B4GALT4: variants seen among roughly 807,000 people sequenced by gnomAD.
B4GALT4 encodes the protein N-acetyllactosamine synthase.
B4GALT4 carries 27 observed loss-of-function variants against 37.3 expected under a neutral mutation model. The observed-to-expected ratio is 0.72, with a 90% CI of 0.53 to 1.00. The LOEUF is 1.00. Ranked by LOEUF, B4GALT4 falls within the 50% of genes least tolerant of loss-of-function variation. B4GALT4 has a pLI of 0.00. For missense variants in B4GALT4, 372 were observed against 413.1 expected (o/e 0.90, Z 0.86); for synonymous variants, 148 against 154.1 (o/e 0.96, Z 0.29).
intron 1 of B4GALT4, among the ~76,000 whole-genome samples, chr3:119,238,408 T>C (rs1286851271): frequency 2.0e-5 from 3 of 152,178 alleles, no homozygotes; most frequent in Admixed American, 1.3e-4. Flanking sequence ...ATTTCTTTTG[T>C]ATCTTCTAAT....
At chr3:119,234,707 C>T (rs1303722441) in intron 2 of B4GALT4, among the ~76,000 whole-genome samples, 2 of 152,282 alleles carry the variant, frequency 1.3e-5, no homozygotes. Flanking sequence ...AATTGAGAGA[C>T]CCTTAATTCT....
intron 3 of B4GALT4, among the ~76,000 whole-genome samples, chr3:119,228,848 A>ATCTCTCTCTTTCTCTCTCCCTC (rs1553749684): frequency 6.6e-6 from 1 of 151,342 alleles, no homozygotes; most frequent in South Asian, 2.1e-4. Context: ...GAGGCATGAG[A>ATCTCTCTCTTTCTCTCTCCCTC]TCTATCTATC....
intron 7 of B4GALT4, chr3:119,214,743 A>C (rs2078246552): frequency 6.6e-6 from 1 of 152,248 alleles, no homozygotes; most frequent in Non-Finnish European, 1.5e-5. Context: ...ACTTTGTAGA[A>C]AAATCTAATA....
At chr3:119,225,538 A>G (rs1576911866) in intron 4 of B4GALT4, among the ~76,000 whole-genome samples, 1 of 150,886 alleles carries the variant, frequency 6.6e-6, no homozygotes, top group Non-Finnish European at 1.5e-5. Flanking sequence ...CTGGGACTAC[A>G]GGCATGTGCC....
At position 119,226,857 on chromosome 3, in the gene B4GALT4, G is replaced by C. The variant is rs761428077; in HGVS notation, c.438C>G (p.Pro146=). 10 of 1,614,176 alleles carry C rather than the reference G, an allele frequency of 6.2e-6. No homozygotes were observed. Among genetic ancestry groups the C allele is most frequent in the Non-Finnish European group, 8.5e-6 (10 of 1,180,038 alleles). The stretch of plus-strand genomic sequence containing the variant: ...AATCCAGCTGCTGCCTCTGCAGGAA[G>C]GGATGCAGATGTTCCAGCAGGTACA... ...HLMYLLEHLH[P]FLQRQQLDYG... is the part of the protein sequence containing the mutation. The change falls in exon 4 of 8, where the codon CCC becomes CCG. Residue 146 remains proline, a synonymous_variant. Coordinates refer to ENST00000393765, the MANE Select transcript of B4GALT4 (RefSeq NM_003778.4).
chr3:119,224,156 G>T lies in B4GALT4; in HGVS notation c.576C>A (p.Phe192Leu). 6.2e-7 allele frequency: 1 copy of T among 1,614,026 alleles called. No homozygotes were observed. The highest frequency in any genetic ancestry group is 8.5e-7 in the Non-Finnish European group (1 of 1,179,988). Residue 192 changes from phenylalanine to leucine, a missense_variant, in exon 5 of 8, where the codon TTC becomes TTA. Physicochemically the swap from Phe to Leu is conservative, Grantham distance 22. Coordinates refer to ENST00000393765, the MANE Select transcript of B4GALT4 (RefSeq NM_003778.4). ...LKEENWDCFI[F>L]HDVDLVPEND... ...TCTCGGGTACCAGGTCCACATCGTGGAATATAAAGCAGTCCCAATTTTCTT... is the reference window on the plus strand; with the variant it reads ...TCTCGGGTACCAGGTCCACATCGTGTAATATAAAGCAGTCCCAATTTTCTT...
intron 7 of B4GALT4, chr3:119,213,661 A>C (rs755377254): frequency 6.6e-6 from 1 of 152,188 alleles, no homozygotes; most frequent in Non-Finnish European, 1.5e-5. Flanking sequence ...GAAGGAGGAG[A>C]CTACAGAATT....
chr3:119,217,470 C>A (rs2107467754), intron 6 of B4GALT4, among the ~76,000 whole-genome samples: 1 of 152,226 alleles, frequency 6.6e-6, no homozygotes, highest in South Asian at 2.1e-4. Context: ...AGCATGGAGC[C>A]CCTGGGTTCT....
rs74280514 is a variant in B4GALT4 at position 119,228,813 on chromosome 3, A to G, written c.253+1034T>C. Among the ~76,000 whole-genome samples the G allele has an allele frequency of 1.6e-3, 227 of 138,314 alleles. 6 individuals are homozygous for G. In the East Asian group the frequency reaches 0.043, roughly 26 times the overall value. The allele number at this position is 138,314 out of a possible 152,430, so 90.7% of individuals were successfully genotyped here. A position where few individuals can be genotyped will look rare whatever the true frequency, so the allele number is the denominator to read the frequency against. On this transcript the variant is annotated intron_variant, in intron 3 of 7. Coordinates refer to ENST00000393765, the MANE Select transcript of B4GALT4 (RefSeq NM_003778.4). Reference sequence around the variant, plus strand: ...CATAAGGGTGGAGCTGCCAGGTGGGATTAAAGCACTTATAAAAAGAGCAAG... The same window carrying G: ...CATAAGGGTGGAGCTGCCAGGTGGGGTTAAAGCACTTATAAAAAGAGCAAG...
At chr3:119,214,740 A>G (rs897808425) in intron 7 of B4GALT4, 2 of 152,250 alleles carry the variant, frequency 1.3e-5, no homozygotes, top group Non-Finnish European at 2.9e-5. Flanking sequence ...AGTACTTTGT[A>G]GAAAAATCTA....
In B4GALT4 at chr3:119,223,868, G is replaced by A. The variant is rs74464653; in HGVS notation, c.674+190C>T. Reference sequence around the variant, plus strand: ...CTTTCCCTTGTCTTTGTGATCCTCTGCTGAAGTTGTAGGGCTTTTTCCTCA... The same window carrying A: ...CTTTCCCTTGTCTTTGTGATCCTCTACTGAAGTTGTAGGGCTTTTTCCTCA... On this transcript the variant is annotated intron_variant, in intron 5 of 7. Transcript: ENST00000393765. 7.1e-3 allele frequency among the ~76,000 whole-genome samples: 1,088 copies of A among 152,352 alleles called. 11 individuals carry two copies. The highest frequency in any genetic ancestry group is 0.025 in the African/African-American group (1,057 of 41,572).
chr3:119,227,087 A>C, intron 3 of B4GALT4, 46 bp from the exon 4 acceptor site: 1 of 1,564,278 alleles, frequency 6.4e-7, no homozygotes, highest in Non-Finnish European at 8.8e-7. Flanking sequence ...CTACTTCAAA[A>C]AGTGTTGAGG....
Position 119,212,538 on chromosome 3 carries a change from A to G in B4GALT4, c.*11T>C. 6.4e-7 allele frequency: 1 copy of G among 1,568,976 alleles called. No homozygotes were observed. Among genetic ancestry groups the G allele is most frequent in the Non-Finnish European group, 8.6e-7 (1 of 1,162,250 alleles). On this transcript the variant is annotated 3_prime_UTR_variant, in exon 8 of 8. Coordinates refer to ENST00000393765, the MANE Select transcript of B4GALT4 (RefSeq NM_003778.4). Reference sequence around the variant, plus strand: ...AATCAGTTCTTCCAAACATCACCAAAAGACCCAGGGTCATGCACCAAACCA... The same window carrying G: ...AATCAGTTCTTCCAAACATCACCAAGAGACCCAGGGTCATGCACCAAACCA...
chr3:119,231,666 TG>T (rs2078821135), intron 2 of B4GALT4, among the ~76,000 whole-genome samples: 1 of 149,386 alleles, frequency 6.7e-6, no homozygotes, highest in South Asian at 2.1e-4. Context: ...TTCGCTGGGG[TG>T]GTTTATTTTT....
Position 119,227,015 on chromosome 3 carries a change from G to T in B4GALT4, c.280C>A (p.Pro94Thr). ...LRGQSKLIFK[P>T]DLTLEEVQAE... ...TGTACCTCTTCCAAAGTGAGATCTG[G>T]TTTGAAAATGAGCTTGCTCTGGCCT... Residue 94 changes from proline to threonine, a missense_variant, in exon 4 of 8, where the codon CCA (proline) becomes ACA (threonine). Physicochemically the swap from Pro to Thr is conservative, Grantham distance 38 (BLOSUM62 -1). Coordinates refer to ENST00000393765, the MANE Select transcript of B4GALT4 (RefSeq NM_003778.4). The T allele has an allele frequency of 6.2e-7, 1 of 1,614,160 alleles. No individual in the cohort carries two copies. Among genetic ancestry groups the T allele is most frequent in the South Asian group, 1.1e-5 (1 of 91,086 alleles).
chr3:119,216,362 A>AT lies in B4GALT4; in HGVS notation c.798-19dup, dbSNP rs756817836. The AT allele has an allele frequency of 6.9e-6, 11 of 1,599,654 alleles. No homozygotes were observed. The highest frequency in any genetic ancestry group is 1.3e-5 in the African/African-American group (1 of 74,218). On this transcript the variant is annotated intron_variant, in intron 6 of 7. Transcript: ENST00000393765. ...GCTCAACCCTAGAAAAATAATAGAG[A>AT]TTTTTTTAAAGTCCATCCTATTTAT...
At chr3:119,228,223 C>A (rs111498114) in intron 3 of B4GALT4, among the ~76,000 whole-genome samples, 1 of 152,156 alleles carries the variant, frequency 6.6e-6, no homozygotes, top group Non-Finnish European at 1.5e-5. Context: ...AAGAGCCTCA[C>A]GCAACAGGTC....
intron 2 of B4GALT4, among the ~76,000 whole-genome samples, chr3:119,230,922 C>G (rs1273183671): frequency 6.6e-6 from 1 of 152,194 alleles, no homozygotes; most frequent in Non-Finnish European, 1.5e-5. Context: ...GAAACTACAG[C>G]TCTACCACAT....
Position 119,230,124 on chromosome 3 carries a change from T to C in B4GALT4, c.-25A>G, listed in dbSNP as rs771156985. 56 of 1,611,992 alleles carry C rather than the reference T, an allele frequency of 3.5e-5. No homozygotes were observed. Among genetic ancestry groups the C allele is most frequent in the Non-Finnish European group, 4.2e-5 (50 of 1,178,594 alleles). ...TGTTTTTTATTACGTGAATAATATC[T>C]ATCTCTCTGCTTCACTGCAGGCAAG... On this transcript the variant is annotated 5_prime_UTR_variant, in exon 3 of 8. In the 5' UTR this introduces an upstream ATG that the reference lacks. Coordinates refer to ENST00000393765, the MANE Select transcript of B4GALT4 (RefSeq NM_003778.4).
Sources: gnomAD v4.1 joint callset for allele counts (sites outside exome capture counted in the v4.1 genomes callset) on GRCh38, gnomAD v4.1.1 for gene constraint, MANE v1.5 for transcripts, NCBI Gene and HGNC (gene_info 2026-07-23, HGNC 2026-07-21) for gene names.